The following PPP2R2B variants were observed in gnomAD, a reference collection of about 807,000 sequenced individuals.
PPP2R2B encodes the protein serine/threonine-protein phosphatase 2A 55 kDa regulatory subunit B beta isoform.
Under a neutral mutation model 46.0 loss-of-function variants are expected in PPP2R2B, and 5 were observed. The ratio of observed to expected loss-of-function variants is 0.11; its 90% CI spans 0.06 to 0.23. PPP2R2B has a LOEUF of 0.23. Among genes scored for constraint, PPP2R2B ranks in the 10% least tolerant of loss-of-function variants. PPP2R2B has a pLI of 1.00. For missense variants in PPP2R2B, 367 were observed against 575.0 expected, an observed-to-expected ratio of 0.64 and a Z score of 3.70; for synonymous variants, 215 against 206.7, an observed-to-expected ratio of 1.04 and a Z score of -0.34.
intron 1 of PPP2R2B, among the ~76,000 whole-genome samples, chr5:147,029,734 G>A (rs559490156): frequency 1.3e-5 from 2 of 152,156 alleles, no homozygotes; most frequent in South Asian, 2.1e-4. Context: ...AAGACACCAA[G>A]AGTGGGCACG....
chr5:146,970,699 A>C (rs1022159566), intron 1 of PPP2R2B, among the ~76,000 whole-genome samples: 2 of 152,184 alleles, frequency 1.3e-5, no homozygotes, highest in Admixed American at 1.3e-4. Context: ...AGGAGATGGT[A>C]AAGGGAGGTG....
rs548110060 is a variant in PPP2R2B, at chr5:146,866,841, A to G, written c.70+11161T>C. On this transcript the variant is annotated intron_variant, in intron 2 of 9. Coordinates refer to ENST00000394411, the MANE Select transcript of PPP2R2B (RefSeq NM_181675.4). ...CAGAAGTCCTTTTAACAGACCTCCA[A>G]GTAGCTGACACTCCAAGAAGAAAAA... 4.6e-5 allele frequency among the ~76,000 whole-genome samples: 7 copies of G among 152,302 alleles called. No homozygotes were observed. The South Asian group carries it at 1.5e-3, about 32-fold the overall frequency.
intron 2 of PPP2R2B, among the ~76,000 whole-genome samples, chr5:146,793,292 C>A (rs1756327088): frequency 6.6e-6 from 1 of 152,124 alleles, no homozygotes; most frequent in Non-Finnish European, 1.5e-5. Context: ...AATATTAAGT[C>A]TGCGATATTT....
At chr5:146,798,951 C>T (rs1218002412) in intron 2 of PPP2R2B, among the ~76,000 whole-genome samples, 4 of 152,112 alleles carry the variant, frequency 2.6e-5, no homozygotes, top group Non-Finnish European at 5.9e-5. Context: ...CAGGCTCAAC[C>T]AGAGTGACTT....
chr5:146,953,522 G>A (rs1170899716), intron 1 of PPP2R2B, among the ~76,000 whole-genome samples: 1 of 152,052 alleles, frequency 6.6e-6, no homozygotes, highest in African/African-American at 2.4e-5. Context: ...TGAATTCAGT[G>A]GTGTTAATGG....
At chr5:146,727,846 A>G (rs985087549) in intron 2 of PPP2R2B, among the ~76,000 whole-genome samples, 17 of 151,886 alleles carry the variant, frequency 1.1e-4, no homozygotes, top group East Asian at 5.8e-4. Context: ...CCCATACCCA[A>G]TTGCTCCCCC....
In PPP2R2B at chr5:147,049,774, T is replaced by A. The variant is rs116354658; in HGVS notation, c.79+5891A>T. Among the ~76,000 whole-genome samples, 1,020 of 152,312 alleles carry A rather than the reference T, an allele frequency of 6.7e-3. 10 individuals are homozygous for A. Among genetic ancestry groups the A allele is most frequent in the African/African-American group, 0.024 (981 of 41,572 alleles). Reference sequence around the variant, plus strand: ...CAGTGGGAAGAGGCCTGCAAAGGCATGACTGGACTCTGCAATGTGGTGGTC... The same window carrying A: ...CAGTGGGAAGAGGCCTGCAAAGGCAAGACTGGACTCTGCAATGTGGTGGTC... On this transcript the variant is annotated intron_variant, in intron 1 of 8. Transcript: ENST00000336640.
In PPP2R2B at chr5:146,810,505, A is replaced by G. The variant is rs369804406; in HGVS notation, c.70+67497T>C. The stretch of plus-strand genomic sequence containing the variant: ...CTACAATTCAAGATGAGATTTGGGT[A>G]GGGACACAGCCAAACCATACCAGAT... On this transcript the variant is annotated intron_variant, in intron 2 of 9. Transcript: ENST00000394411. Among the ~76,000 whole-genome samples the G allele has an allele frequency of 2.1e-3, 318 of 152,266 alleles. 1 individual carries two copies. The highest frequency in any genetic ancestry group is 7.3e-3 in the African/African-American group (302 of 41,538).
At chr5:146,798,173 C>T (rs1377628734) in intron 2 of PPP2R2B, among the ~76,000 whole-genome samples, 1 of 152,080 alleles carries the variant, frequency 6.6e-6, no homozygotes, top group Non-Finnish European at 1.5e-5. Context: ...TTCATTCACC[C>T]AGAAGGCAAA....
At chr5:146,884,089 G>GTTT (rs372611320) in intron 1 of PPP2R2B, among the ~76,000 whole-genome samples, 87 of 104,644 alleles carry the variant, frequency 8.3e-4, no homozygotes, top group African/African-American at 1.9e-3. Context: ...TAAATTCAGG[G>GTTT]TTTTTTTTTT....
At chr5:146,633,445 G>A (rs934718283) in intron 7 of PPP2R2B, among the ~76,000 whole-genome samples, 7 of 152,242 alleles carry the variant, frequency 4.6e-5, no homozygotes, top group African/African-American at 9.6e-5. Context: ...AATGTCAGGC[G>A]AGGGGTCAGA....
At chr5:146,678,480 C>T (rs1455452250) in intron 5 of PPP2R2B, among the ~76,000 whole-genome samples, 6 of 135,972 alleles carry the variant, frequency 4.4e-5, no homozygotes, top group Non-Finnish European at 7.5e-5. Context: ...TGGAAACTGG[C>T]ACAAGACAGG....
chr5:146,835,445 T>A (rs1461800461), intron 2 of PPP2R2B, among the ~76,000 whole-genome samples: 1 of 152,122 alleles, frequency 6.6e-6, no homozygotes, highest in African/African-American at 2.4e-5. Flanking sequence ...CCCACCCTCA[T>A]GAAGCATGTT....
chr5:146,972,439 C>T (rs1024536170), intron 1 of PPP2R2B, among the ~76,000 whole-genome samples: 6 of 152,072 alleles, frequency 3.9e-5, no homozygotes, highest in Admixed American at 6.5e-5. Flanking sequence ...TGGCTGGGCA[C>T]GGTGGCTCAT....
chr5:146,590,230 C>T lies in PPP2R2B; in HGVS notation c.1053-4G>A, dbSNP rs373829916. On this transcript the variant is annotated splice_polypyrimidine_tract_variant and splice_region_variant and intron_variant, in intron 9 of 9. Transcript: ENST00000394411. Reference sequence around the variant, plus strand: ...GTAGGAGCCTGTCATGATGACACTGCAAGGCAGAGAGCAAAGGCAATGACA... The same window carrying T: ...GTAGGAGCCTGTCATGATGACACTGTAAGGCAGAGAGCAAAGGCAATGACA... The T allele has an allele frequency of 6.5e-7, 1 of 1,539,134 alleles. No homozygotes were observed. Among genetic ancestry groups the T allele is most frequent in the South Asian group, 1.2e-5 (1 of 86,674 alleles).
intron 2 of PPP2R2B, among the ~76,000 whole-genome samples, chr5:146,725,187 GTTTC>G (rs1490917497): frequency 2.0e-5 from 3 of 152,094 alleles, no homozygotes; most frequent in African/African-American, 7.2e-5. Flanking sequence ...CAAGAAAACA[GTTTC>G]CATGGTGATT....
chr5:146,776,960 C>T (rs922152852), intron 2 of PPP2R2B, among the ~76,000 whole-genome samples: 2 of 152,050 alleles, frequency 1.3e-5, no homozygotes, highest in African/African-American at 4.8e-5. Flanking sequence ...TACTTCACAT[C>T]TACTAAGATG....
chr5:147,001,608 AC>A (rs1754180941), intron 1 of PPP2R2B, among the ~76,000 whole-genome samples: 1 of 152,138 alleles, frequency 6.6e-6, no homozygotes, highest in African/African-American at 2.4e-5. Flanking sequence ...GAGACCAAGA[AC>A]CCACCAATTC....
chr5:146,997,100 G>T (rs1317036971), intron 1 of PPP2R2B, among the ~76,000 whole-genome samples: 1 of 152,172 alleles, frequency 6.6e-6, no homozygotes, highest in Non-Finnish European at 1.5e-5. Flanking sequence ...CTACCAGTAT[G>T]AAATGTACTC....
Sources: allele counts gnomAD v4.1 joint callset (sites outside exome capture counted in the v4.1 genomes callset), GRCh38; gene constraint gnomAD v4.1.1; transcripts MANE v1.5; gene names NCBI Gene and HGNC (gene_info 2026-07-23, HGNC 2026-07-21).